Variants in VTI1A observed in about 807,000 individuals in gnomAD.
VTI1A encodes vesicle transport through interaction with t-SNAREs homolog 1A.
VTI1A carries 22 observed loss-of-function variants against 34.9 expected under a neutral mutation model. That is an observed-to-expected ratio of 0.63 (90% CI 0.45 to 0.90). VTI1A has a LOEUF of 0.90. VTI1A is among the 40% of genes least tolerant of loss of function. VTI1A has a pLI of 0.00. For synonymous variants in VTI1A, 87 were observed against 97.3 expected, an observed-to-expected ratio of 0.89 and a Z score of 0.62; for missense variants, 268 against 275.6, an observed-to-expected ratio of 0.97 and a Z score of 0.20.
intron 3 of VTI1A, among the ~76,000 whole-genome samples, chr10:112,500,759 G>A (rs1849205973): frequency 2.0e-5 from 3 of 152,108 alleles, no homozygotes; most frequent in African/African-American, 2.4e-5. Context: ...TCTACCTACC[G>A]TTTTCTCTTA....
At chr10:112,756,994 C>A (rs1317957086) in intron 7 of VTI1A, among the ~76,000 whole-genome samples, 1 of 150,002 alleles carries the variant, frequency 6.7e-6, no homozygotes, top group East Asian at 2.0e-4. Context: ...TGCAGTGAGC[C>A]GAAATTGCGC....
intron 4 of VTI1A, among the ~76,000 whole-genome samples, chr10:112,534,505 T>C (rs1850554442): frequency 6.6e-6 from 1 of 152,146 alleles, no homozygotes; most frequent in South Asian, 2.1e-4. Flanking sequence ...ATTTTTTTTA[T>C]TGGTATGTCA....
At chr10:112,501,667 C>A (rs1589835656) in intron 3 of VTI1A, among the ~76,000 whole-genome samples, 2 of 149,094 alleles carry the variant, frequency 1.3e-5, no homozygotes, top group South Asian at 4.4e-4. Context: ...CCCACCCCCA[C>A]CTCCCGCCCT....
chr10:112,546,351 G>C (rs1474875605), intron 5 of VTI1A, among the ~76,000 whole-genome samples: 1 of 152,066 alleles, frequency 6.6e-6, no homozygotes, highest in Non-Finnish European at 1.5e-5. Context: ...AAGACTGCTT[G>C]AAGTCAGGAA....
the VTI1A span, chr10:112,831,658 G>A: frequency 6.6e-6 from 1 of 152,124 alleles, no homozygotes; most frequent in South Asian, 2.1e-4. Flanking sequence ...AAATTTCAAG[G>A]ATTTTGATAG....
intron 7 of VTI1A, among the ~76,000 whole-genome samples, chr10:112,674,572 T>G (rs1847965001): frequency 6.6e-6 from 1 of 152,178 alleles, no homozygotes; most frequent in Non-Finnish European, 1.5e-5. Flanking sequence ...GTCAGACACT[T>G]GAATGCAACA....
chr10:112,840,780 G>A, the VTI1A span, among the ~76,000 whole-genome samples: 23 of 152,154 alleles, frequency 1.5e-4, no homozygotes, highest in African/African-American at 4.3e-4. Flanking sequence ...TATTGAGGGG[G>A]TGGGATTAGG....
At chr10:112,567,628 T>C (rs1348082881) in intron 5 of VTI1A, among the ~76,000 whole-genome samples, 1 of 152,198 alleles carries the variant, frequency 6.6e-6, no homozygotes, top group Non-Finnish European at 1.5e-5. Context: ...TGGGGGCAGA[T>C]GATTCTTTTT....
At chr10:112,697,865 C>CGTGTGTGTGTGTGTGTGTGTGT (rs762339605) in intron 7 of VTI1A, among the ~76,000 whole-genome samples, 1 of 126,112 alleles carries the variant, frequency 7.9e-6, no homozygotes, top group Non-Finnish European at 1.7e-5. Context: ...TTAGCATTTA[C>CGTGTGTGTGTGTGTGTGTGTGT]ATGTGTGTGT....
At chr10:112,700,676 A>G (rs952070835) in intron 7 of VTI1A, among the ~76,000 whole-genome samples, 1 of 152,210 alleles carries the variant, frequency 6.6e-6, no homozygotes, top group African/African-American at 2.4e-5. Context: ...TAGACAAACC[A>G]TAGCTATTGT....
At chr10:112,585,261 A>G (rs947193727) in intron 5 of VTI1A, among the ~76,000 whole-genome samples, 1 of 152,234 alleles carries the variant, frequency 6.6e-6, no homozygotes, top group African/African-American at 2.4e-5. Context: ...TCACTCCAGC[A>G]GGGCTTTGGC....
intron 5 of VTI1A, among the ~76,000 whole-genome samples, chr10:112,652,188 A>C (rs1564867499): frequency 1.3e-5 from 2 of 152,242 alleles, no homozygotes; most frequent in Admixed American, 6.5e-5. Context: ...TTTAGCGTAG[A>C]CAAGCCCTGA....
intron 5 of VTI1A, among the ~76,000 whole-genome samples, chr10:112,602,588 T>C (rs879922412): frequency 3.9e-5 from 6 of 152,238 alleles, no homozygotes; most frequent in African/African-American, 1.4e-4. Context: ...GAAGCCACAA[T>C]TGATTATGTT....
At chr10:112,563,425 TA>T (rs35123488) in intron 5 of VTI1A, among the ~76,000 whole-genome samples, 2 of 152,102 alleles carry the variant, frequency 1.3e-5, no homozygotes, top group African/African-American at 2.4e-5. Flanking sequence ...ATTCATCATA[TA>T]AAAAAAATTT....
chr10:112,562,435 G>T (rs1246988038), intron 5 of VTI1A, among the ~76,000 whole-genome samples: 1 of 151,910 alleles, frequency 6.6e-6, no homozygotes, highest in Non-Finnish European at 1.5e-5. Context: ...ACTCCAGTTT[G>T]CTTTGCTTTT....
chr10:112,783,401 GCACA>G (rs58560251), intron 7 of VTI1A, among the ~76,000 whole-genome samples: 14 of 150,418 alleles, frequency 9.3e-5, no homozygotes, highest in South Asian at 8.5e-4. Context: ...GCGTGCACGT[GCACA>G]CACACACACA....
intron 5 of VTI1A, among the ~76,000 whole-genome samples, chr10:112,625,400 A>G (rs916532867): frequency 2.8e-4 from 43 of 152,194 alleles, no homozygotes; most frequent in African/African-American, 9.7e-4. Flanking sequence ...GCACTTTGGG[A>G]GGCCGAGGCA....
Position 112,772,702 on chromosome 10 carries a change from G to A in VTI1A, c.561-42588G>A, listed in dbSNP as rs766562163. 4.6e-5 allele frequency among the ~76,000 whole-genome samples: 7 copies of A among 152,154 alleles called. No homozygotes were observed. In the East Asian group the frequency reaches 1.3e-3, roughly 29 times the overall value. Reference sequence around the variant, plus strand: ...CATTTAGGTCTTTGATTCATTTAGAGTTAATGTTTATATATGCTGTGAGGT... The same window carrying A: ...CATTTAGGTCTTTGATTCATTTAGAATTAATGTTTATATATGCTGTGAGGT... On this transcript the variant is annotated intron_variant, in intron 7 of 7. Coordinates refer to ENST00000393077, the MANE Select transcript of VTI1A (RefSeq NM_145206.4).
Position 112,454,702 on chromosome 10 carries a change from G to C in VTI1A, c.95-5822G>C, listed in dbSNP as rs1847366599. ...GTGTATGTACATCAGCACTTATCAA[G>C]CTTATAGACCAAAAAAAAAAAAAAA... On this transcript the variant is annotated intron_variant, in intron 1 of 7. Coordinates refer to ENST00000393077, the MANE Select transcript of VTI1A (RefSeq NM_145206.4). 2.5e-5 allele frequency among the ~76,000 whole-genome samples: 3 copies of C among 122,352 alleles called. 1 individual carries two copies. The South Asian group carries it at 8.5e-4, about 35-fold the overall frequency. The allele number at this position is 122,352 out of a possible 152,430, so 80.3% of individuals were successfully genotyped here.
Sources: gnomAD v4.1 joint callset for allele counts (sites outside exome capture counted in the v4.1 genomes callset) on GRCh38, gnomAD v4.1.1 for gene constraint, MANE v1.5 for transcripts, NCBI Gene and HGNC (gene_info 2026-07-23, HGNC 2026-07-21) for gene names.